RSBN1L: variants seen among roughly 807,000 people sequenced by gnomAD.
RSBN1L encodes lysine-specific demethylase RSBN1L.
Under a neutral mutation model 67.7 loss-of-function variants are expected in RSBN1L, and 30 were observed. The observed-to-expected ratio is 0.44, with a 90% CI of 0.33 to 0.60. RSBN1L has a LOEUF of 0.60. Among genes scored for constraint, RSBN1L ranks in the 20% least tolerant of loss-of-function variants. RSBN1L has a pLI of 0.02. For synonymous variants in RSBN1L, 433 were observed against 387.0 expected, an observed-to-expected ratio of 1.12 and a Z score of -1.39; for missense variants, 992 against 1,031.7, an observed-to-expected ratio of 0.96 and a Z score of 0.53.
At chr7:77,711,959 A>T (rs927497116) in intron 1 of RSBN1L, among the ~76,000 whole-genome samples, 1 of 152,188 alleles carries the variant, frequency 6.6e-6, no homozygotes, top group Non-Finnish European at 1.5e-5. Flanking sequence ...GAAAGGAGTA[A>T]AACCTGTGTG....
At chr7:77,771,011 G>T (rs1484139097) in intron 5 of RSBN1L, among the ~76,000 whole-genome samples, 1 of 152,100 alleles carries the variant, frequency 6.6e-6, no homozygotes, top group Non-Finnish European at 1.5e-5. Context: ...GTGCAATCTC[G>T]GCTCACTGCA....
intron 1 of RSBN1L, among the ~76,000 whole-genome samples, chr7:77,735,243 A>G (rs1791319155): frequency 6.6e-6 from 1 of 152,196 alleles, no homozygotes; most frequent in African/African-American, 2.4e-5. Context: ...TGACTATTCA[A>G]CACTTAAAGT....
intron 6 of RSBN1L, among the ~76,000 whole-genome samples, chr7:77,774,220 TA>T (rs2150434493): frequency 6.6e-6 from 1 of 152,374 alleles, no homozygotes; most frequent in South Asian, 2.1e-4. Flanking sequence ...CTTTTTAATA[TA>T]CTTGAGGTGT....
At chr7:77,749,137 C>T (rs1014190900) in intron 2 of RSBN1L, among the ~76,000 whole-genome samples, 8 of 152,048 alleles carry the variant, frequency 5.3e-5, no homozygotes, top group African/African-American at 1.9e-4. Flanking sequence ...TCCTGTAATC[C>T]CAGCTACTTG....
Position 77,696,908 on chromosome 7 carries a change from G to A in RSBN1L, c.439G>A (p.Ala147Thr). 6.2e-7 allele frequency: 1 copy of A among 1,603,582 alleles called. No homozygotes were observed. ...AQPHHLLLPA[A>T]AAAASANAKS... The stretch of plus-strand genomic sequence containing the variant: ...GCCTCACCATCTCCTCCTGCCCGCC[G>A]CCGCCGCCGCTGCCTCGGCTAACGC... The change falls in exon 1 of 8, where the codon GCC becomes ACC. Residue 147 changes from alanine to threonine, a missense_variant. By Grantham distance (58) the Ala-to-Thr change is moderately conservative. Transcript: ENST00000334955.
In RSBN1L at chr7:77,778,320, T is replaced by A; in HGVS notation, c.1794-18T>A. 1 of 1,543,264 alleles carries A rather than the reference T, an allele frequency of 6.5e-7. No homozygotes were observed. The highest frequency in any genetic ancestry group is 1.7e-4 in the Middle Eastern group (1 of 5,804). On this transcript the variant is annotated intron_variant, in intron 6 of 7. Transcript: ENST00000334955. ...AAGCATTTATGGCAGATTCTTGTTA[T>A]CTCGTTTTCTTTTTTAGGCCTGATC...
chr7:77,759,732 T>TA (rs1791673265), intron 3 of RSBN1L: 1 of 152,206 alleles, frequency 6.6e-6, no homozygotes, highest in African/African-American at 2.4e-5. Context: ...GGTGGATCAC[T>TA]ATGAAGGTAT....
rs1236240673 is a variant in RSBN1L, at chr7:77,701,189, C to A, written c.586+4134C>A. Reference sequence around the variant, plus strand: ...AAAAAAACAACAACAACAACAACAACAAAAAAAAACGACATCCCTTCTGTA... The same window carrying A: ...AAAAAAACAACAACAACAACAACAAAAAAAAAAAACGACATCCCTTCTGTA... On this transcript the variant is annotated intron_variant, in intron 1 of 7. Transcript: ENST00000334955. Among the ~76,000 whole-genome samples, 463 of 132,730 alleles carry A rather than the reference C, an allele frequency of 3.5e-3. 1 individual carries two copies. Among genetic ancestry groups the A allele is most frequent in the Non-Finnish European group, 4.4e-3 (271 of 61,292 alleles). The allele number at this position is 132,730 out of a possible 152,430, so 87.1% of individuals were successfully genotyped here.
At chr7:77,739,739 C>CT (rs1173154183) in intron 2 of RSBN1L, among the ~76,000 whole-genome samples, 2,271 of 42,630 alleles carry the variant, frequency 0.053, 539 homozygotes, top group East Asian at 0.29. Context: ...AAAAATGTGT[C>CT]TTTTTTTTTT....
chr7:77,718,293 A>G (rs937842937), intron 1 of RSBN1L, among the ~76,000 whole-genome samples: 1 of 152,062 alleles, frequency 6.6e-6, no homozygotes, highest in Non-Finnish European at 1.5e-5. Context: ...TGATTTTAAT[A>G]TATCAGTGTA....
At chr7:77,755,555 T>A (rs546156258) in intron 3 of RSBN1L, among the ~76,000 whole-genome samples, 1 of 151,786 alleles carries the variant, frequency 6.6e-6, no homozygotes, top group South Asian at 2.1e-4. Flanking sequence ...AATCCCAGCT[T>A]CTCGGGAGGC....
chr7:77,731,092 A>G (rs73374110), intron 1 of RSBN1L, among the ~76,000 whole-genome samples: 17,648 of 152,042 alleles, frequency 0.12, 1,556 homozygotes, highest in African/African-American at 0.24. Context: ...GTGGTATCTC[A>G]TTTTTGTTTT....
chr7:77,770,948 T>C (rs1791840593), intron 5 of RSBN1L, among the ~76,000 whole-genome samples: 1 of 152,092 alleles, frequency 6.6e-6, no homozygotes, highest in Admixed American at 6.6e-5. Context: ...TTTTGTTTTG[T>C]TTGTTTGTTT....
At chr7:77,702,493 T>G (rs149962434) in intron 1 of RSBN1L, among the ~76,000 whole-genome samples, 16 of 152,316 alleles carry the variant, frequency 1.1e-4, no homozygotes, top group Non-Finnish European at 1.8e-4. Flanking sequence ...TTCAGATCTT[T>G]GTGATCATGA....
At position 77,780,817 on chromosome 7, in the gene RSBN1L, C is replaced by G. The variant is rs540918002; in HGVS notation, c.*1649C>G. On this transcript the variant is annotated 3_prime_UTR_variant, in exon 8 of 8. Transcript: ENST00000334955. ...AGTGCCTAACTAAAGATGAGTAAAA[C>G]AGACCTCTTTAATGATAGACTCACT... 2 of 152,164 alleles carry G rather than the reference C, an allele frequency of 1.3e-5. No individual in the cohort carries two copies. The highest frequency in any genetic ancestry group is 4.8e-5 in the African/African-American group (2 of 41,442). The allele number at this position is 152,164 out of a possible 1,614,324, so 9.4% of individuals were successfully genotyped here. A position where few individuals can be genotyped will look rare whatever the true frequency, so the allele number is the denominator to read the frequency against.
chr7:77,765,877 A>C (rs376327906), intron 4 of RSBN1L, among the ~76,000 whole-genome samples: 1 of 152,192 alleles, frequency 6.6e-6, no homozygotes, highest in African/African-American at 2.4e-5. Flanking sequence ...TGTAATGGCA[A>C]AGCTAAGTGG....
At chr7:77,760,695 G>A (rs1387687042) in intron 3 of RSBN1L, among the ~76,000 whole-genome samples, 1 of 152,138 alleles carries the variant, frequency 6.6e-6, no homozygotes, top group Non-Finnish European at 1.5e-5. Flanking sequence ...GTGCAGTGGT[G>A]CGATCTCGCT....
chr7:77,778,810 G>C lies in RSBN1L; in HGVS notation c.2183G>C (p.Cys728Ser). The C allele has an allele frequency of 1.2e-6, 2 of 1,614,122 alleles. No individual in the cohort carries two copies. Among genetic ancestry groups the C allele is most frequent in the Non-Finnish European group, 1.7e-6 (2 of 1,180,016 alleles). The change falls in exon 8 of 8, where the codon TGT becomes TCT. Residue 728 changes from cysteine (C) to serine (S), a missense_variant. By Grantham distance (112) the Cys-to-Ser change is moderately radical. Around this residue, in one of 7 missense-constraint regions of RSBN1L, gnomAD observed 199 missense variants for 167.7 expected, o/e 1.19. Transcript: ENST00000334955. The stretch of plus-strand genomic sequence containing the variant: ...GGACCTCACACTGACAACATGATTT[G>C]TGCTGTAAGCAAAGCCTCCTTGGAT... The part of the protein sequence containing the change: ...VLGPHTDNMI[C>S]AVSKASLDSV...
chr7:77,772,602 CTTACTGCTGGGTGT>C (rs1219604085), intron 5 of RSBN1L, among the ~76,000 whole-genome samples: 2 of 152,200 alleles, frequency 1.3e-5, no homozygotes, highest in East Asian at 3.8e-4. Context: ...TGTGGAAGCA[CTTACTGCTGGGTGT>C]TTACTGCTAA....
Sources: allele counts gnomAD v4.1 joint callset (sites outside exome capture counted in the v4.1 genomes callset), GRCh38; gene constraint gnomAD v4.1.1; regional missense constraint gnomAD v4.1.1; transcripts MANE v1.5; gene names NCBI Gene and HGNC (gene_info 2026-07-23, HGNC 2026-07-21).